The following SDC2 variants were observed in gnomAD, a reference collection of about 807,000 sequenced individuals.
SDC2 encodes the protein syndecan-2.
SDC2 carries 13 observed loss-of-function variants against 22.2 expected under a neutral mutation model. The observed-to-expected ratio is 0.59, with a 90% CI of 0.38 to 0.93. SDC2 has a LOEUF of 0.93. Among genes scored for constraint, SDC2 ranks in the 40% least tolerant of loss-of-function variants. The pLI, the probability that SDC2 is intolerant of heterozygous loss-of-function variation, is 0.00. For missense variants in SDC2, 235 were observed against 246.8 expected, an observed-to-expected ratio of 0.95 and a Z score of 0.32; for synonymous variants, 94 against 92.8, an observed-to-expected ratio of 1.01 and a Z score of -0.07.
chr8:96,549,403 C>A (rs1415915765), intron 1 of SDC2, among the ~76,000 whole-genome samples: 1 of 152,138 alleles, frequency 6.6e-6, no homozygotes, highest in African/African-American at 2.4e-5. Flanking sequence ...ATAACAAAAG[C>A]CTTATCATGT....
At chr8:96,605,334 A>G (rs538289074) in intron 3 of SDC2, among the ~76,000 whole-genome samples, 34 of 152,314 alleles carry the variant, frequency 2.2e-4, no homozygotes, top group African/African-American at 7.5e-4. Context: ...TCCCTTTTCT[A>G]ACTTGTAATA....
At chr8:96,510,950 AG>A (rs777005556) in intron 1 of SDC2, among the ~76,000 whole-genome samples, 4 of 152,158 alleles carry the variant, frequency 2.6e-5, no homozygotes, top group Non-Finnish European at 5.9e-5. Context: ...GCTTTTTCTC[AG>A]TGGAAATTGA....
intron 1 of SDC2, among the ~76,000 whole-genome samples, chr8:96,497,673 G>A (rs1214632475): frequency 6.6e-6 from 1 of 152,150 alleles, no homozygotes; most frequent in Non-Finnish European, 1.5e-5. Flanking sequence ...AGTCTCCTTA[G>A]GTTGGCAAGG....
intron 1 of SDC2, among the ~76,000 whole-genome samples, chr8:96,584,511 C>T (rs867628943): frequency 8.5e-4 from 129 of 152,288 alleles, no homozygotes; most frequent in African/African-American, 2.0e-3. Context: ...CTTCTGAATA[C>T]GAAATAAATT....
intron 1 of SDC2, among the ~76,000 whole-genome samples, chr8:96,581,354 C>T (rs1029919864): frequency 6.6e-6 from 1 of 152,156 alleles, no homozygotes; most frequent in Non-Finnish European, 1.5e-5. Context: ...GAGGGCTGGG[C>T]ATGGTGGCTC....
intron 4 of SDC2, 114 bp from the exon 5 acceptor site, chr8:96,609,271 G>A: frequency 1.3e-6 from 1 of 798,424 alleles, no homozygotes; most frequent in East Asian, 2.9e-5. Flanking sequence ...TTTTTTATTG[G>A]GGTTTTCAAA....
intron 1 of SDC2, among the ~76,000 whole-genome samples, chr8:96,518,901 G>T (rs1813452198): frequency 6.6e-6 from 1 of 152,076 alleles, no homozygotes; most frequent in African/African-American, 2.4e-5. Flanking sequence ...TTTGGAGGAG[G>T]TCCATCCTAG....
At chr8:96,598,808 A>G (rs929466727) in intron 2 of SDC2, among the ~76,000 whole-genome samples, 2 of 152,014 alleles carry the variant, frequency 1.3e-5, no homozygotes, top group Non-Finnish European at 2.9e-5. Flanking sequence ...GACAGGGAGA[A>G]CAGTAGGACC....
intron 1 of SDC2, among the ~76,000 whole-genome samples, chr8:96,588,669 G>T (rs1342270129): frequency 6.6e-6 from 1 of 152,210 alleles, no homozygotes; most frequent in Non-Finnish European, 1.5e-5. Flanking sequence ...TGAAAGTTGG[G>T]TCTGGGAGTC....
At chr8:96,526,970 C>T (rs1292642717) in intron 1 of SDC2, among the ~76,000 whole-genome samples, 1 of 152,164 alleles carries the variant, frequency 6.6e-6, no homozygotes, top group East Asian at 1.9e-4. Context: ...TTCCCAATGT[C>T]TGGGTGACTC....
chr8:96,498,315 C>T (rs1165843269), intron 1 of SDC2, among the ~76,000 whole-genome samples: 1 of 152,156 alleles, frequency 6.6e-6, no homozygotes, highest in Non-Finnish European at 1.5e-5. Flanking sequence ...CGTGGAACTT[C>T]CTCAGGAGTG....
chr8:96,541,877 T>A (rs1371150532), intron 1 of SDC2, among the ~76,000 whole-genome samples: 3 of 152,194 alleles, frequency 2.0e-5, no homozygotes, highest in African/African-American at 4.8e-5. Context: ...CCACAGTTTT[T>A]AAAAATGTTT....
rs971959492 is a variant in SDC2 at position 96,601,118 on chromosome 8, G to A, written c.173-1277G>A. On this transcript the variant is annotated intron_variant, in intron 2 of 4. Coordinates refer to ENST00000302190, the MANE Select transcript of SDC2 (RefSeq NM_002998.4). ...GAACCCAAAGAAATAGGGTTTGTCC[G>A]GAAGCAGATGGCACTTGACAGTGTG... Among the ~76,000 whole-genome samples the A allele has an allele frequency of 5.9e-5, 9 of 152,128 alleles. 1 individual carries two copies. The East Asian group carries it at 7.7e-4, about 13-fold the overall frequency.
intron 1 of SDC2, among the ~76,000 whole-genome samples, chr8:96,541,940 C>T (rs1323101449): frequency 5.3e-5 from 8 of 152,156 alleles, no homozygotes; most frequent in Non-Finnish European, 1.2e-4. Flanking sequence ...GAAACAAAGG[C>T]CCTCAGCCTT....
At chr8:96,576,416 C>CTTTTTTT (rs71267268) in intron 1 of SDC2, among the ~76,000 whole-genome samples, 362 of 13,782 alleles carry the variant, frequency 0.026, 68 homozygotes, top group Middle Eastern at 0.14. Context: ...TTATTATTCT[C>CTTTTTTT]TTTTTTTTTT....
At chr8:96,571,051 A>G (rs72680159) in intron 1 of SDC2, among the ~76,000 whole-genome samples, 1 of 152,328 alleles carries the variant, frequency 6.6e-6, no homozygotes, top group Non-Finnish European at 1.5e-5. Context: ...ACTAGTTCAA[A>G]TGGCAAATTT....
intron 1 of SDC2, among the ~76,000 whole-genome samples, chr8:96,506,640 TTTG>T (rs1015138572): frequency 6.6e-6 from 1 of 152,058 alleles, no homozygotes; most frequent in African/African-American, 2.4e-5. Context: ...TGGCTGAGTT[TTTG>T]TTGTTGTTGT....
intron 1 of SDC2, among the ~76,000 whole-genome samples, chr8:96,590,288 CGTT>C (rs1048281806): frequency 3.3e-5 from 5 of 152,190 alleles, no homozygotes; most frequent in African/African-American, 1.2e-4. Flanking sequence ...TAAACAGCCT[CGTT>C]ATGACACCCT....
chr8:96,591,237 A>G (rs766950816), intron 1 of SDC2, among the ~76,000 whole-genome samples: 4 of 152,254 alleles, frequency 2.6e-5, no homozygotes, highest in Non-Finnish European at 4.4e-5. Flanking sequence ...AAGTCATTCA[A>G]TGTTAAGAAA....
Sources: allele counts gnomAD v4.1 joint callset (sites outside exome capture counted in the v4.1 genomes callset), GRCh38; gene constraint gnomAD v4.1.1; transcripts MANE v1.5; gene names NCBI Gene and HGNC (gene_info 2026-07-23, HGNC 2026-07-21).